The following SYNPR variants were observed in gnomAD, a reference collection of about 807,000 sequenced individuals.
SYNPR encodes the protein synaptoporin.
In SYNPR, 23 loss-of-function variants were observed where a neutral mutation model predicts 32.9. That is an observed-to-expected ratio of 0.70 (90% confidence interval 0.50 to 0.99). The LOEUF is 0.99. SYNPR is among the 50% of genes least tolerant of loss of function. The pLI, the probability that SYNPR is intolerant of heterozygous loss-of-function variation, is 0.00. For missense variants in SYNPR, 318 were observed against 349.3 expected (o/e 0.91, Z 0.71); for synonymous variants, 146 against 135.9 (o/e 1.07, Z -0.52).
the SYNPR span, among the ~76,000 whole-genome samples, chr3:63,221,388 C>T: frequency 7.9e-5 from 12 of 152,144 alleles, no homozygotes; most frequent in African/African-American, 2.9e-4. Flanking sequence ...ATTCATTATA[C>T]ATCAATAATT....
At chr3:63,299,280 T>G (rs2086820035) in intron 2 of SYNPR, among the ~76,000 whole-genome samples, 1 of 152,162 alleles carries the variant, frequency 6.6e-6, no homozygotes. Context: ...GAGAAGAGTT[T>G]TTTTTAGCAT....
intron 4 of SYNPR, among the ~76,000 whole-genome samples, chr3:63,587,843 T>C (rs180676538): frequency 1.3e-5 from 2 of 152,176 alleles, no homozygotes; most frequent in East Asian, 1.9e-4. Flanking sequence ...ACTCCAGGCC[T>C]CAGGGGATCC....
At chr3:63,584,983 A>G (rs6809554) in intron 4 of SYNPR, among the ~76,000 whole-genome samples, 80,512 of 151,934 alleles carry the variant, frequency 0.53, 21,765 homozygotes, top group African/African-American at 0.63. Flanking sequence ...CAAGATGTCC[A>G]GAAGCTTTGT....
At chr3:63,458,371 T>C (rs139916931) in intron 2 of SYNPR, among the ~76,000 whole-genome samples, 55 of 152,254 alleles carry the variant, frequency 3.6e-4, no homozygotes, top group African/African-American at 1.3e-3. Context: ...TGTCTGCTGA[T>C]CTTGACTGGG....
intron 4 of SYNPR, among the ~76,000 whole-genome samples, chr3:63,599,806 G>T (rs1700011903): frequency 6.6e-6 from 1 of 152,126 alleles, no homozygotes; most frequent in African/African-American, 2.4e-5. Flanking sequence ...TCTTCTATCA[G>T]TGAGAAGCTA....
chr3:63,494,663 A>T (rs1575674883), intron 3 of SYNPR, among the ~76,000 whole-genome samples: 1 of 151,866 alleles, frequency 6.6e-6, no homozygotes, highest in Admixed American at 6.6e-5. Flanking sequence ...CATCAGCGCT[A>T]ACAACACCTC....
intron 3 of SYNPR, among the ~76,000 whole-genome samples, chr3:63,555,317 G>A (rs1039951959): frequency 5.6e-5 from 8 of 143,846 alleles, no homozygotes; most frequent in African/African-American, 1.3e-4. Context: ...TATGAGGTTC[G>A]TGAATGGCTT....
chr3:63,575,713 G>A (rs1381740008), intron 4 of SYNPR, among the ~76,000 whole-genome samples: 1 of 152,174 alleles, frequency 6.6e-6, no homozygotes, highest in African/African-American at 2.4e-5. Context: ...TCAGTGGATA[G>A]AAAGAGTTGC....
intron 4 of SYNPR, among the ~76,000 whole-genome samples, chr3:63,585,800 T>C (rs113746438): frequency 6.6e-6 from 1 of 152,226 alleles, no homozygotes; most frequent in African/African-American, 2.4e-5. Flanking sequence ...AGACAAGGTA[T>C]AAATTCTTTA....
chr3:63,581,226 C>T (rs1207368664), intron 4 of SYNPR, among the ~76,000 whole-genome samples: 2 of 152,224 alleles, frequency 1.3e-5, no homozygotes, highest in South Asian at 2.1e-4. Context: ...TGTTCCAAAG[C>T]GATACTTCAT....
chr3:63,389,454 G>T (rs2088103687), intron 2 of SYNPR, among the ~76,000 whole-genome samples: 1 of 152,186 alleles, frequency 6.6e-6, no homozygotes, highest in Non-Finnish European at 1.5e-5. Flanking sequence ...TGAGCAGAAA[G>T]GTGTCTCTCT....
chr3:63,496,448 T>G (rs1033537836), intron 3 of SYNPR, among the ~76,000 whole-genome samples: 21 of 152,128 alleles, frequency 1.4e-4, no homozygotes, highest in Non-Finnish European at 2.2e-4. Flanking sequence ...ACAGTTAGGT[T>G]ATTTTGGTTT....
intron 2 of SYNPR, among the ~76,000 whole-genome samples, chr3:63,367,373 A>ATTT (rs1575612306): frequency 6.6e-6 from 1 of 151,280 alleles, no homozygotes; most frequent in African/African-American, 2.4e-5. Context: ...TTATTTATTT[A>ATTT]ATTTTAGATA....
intron 2 of SYNPR, among the ~76,000 whole-genome samples, chr3:63,470,615 C>T (rs1030194724): frequency 3.2e-4 from 49 of 152,152 alleles, no homozygotes; most frequent in Non-Finnish European, 6.2e-4. Flanking sequence ...GACTTGGAAG[C>T]TTGTTTTATT....
intron 2 of SYNPR, among the ~76,000 whole-genome samples, chr3:63,313,838 TATATATATCC>T (rs2087003434): frequency 2.0e-5 from 1 of 50,642 alleles, no homozygotes; most frequent in African/African-American, 9.4e-5. Context: ...TATATCCATA[TATATATATCC>T]ATATATATAT....
chr3:63,401,676 AAGAC>A (rs2088295148), intron 2 of SYNPR, among the ~76,000 whole-genome samples: 1 of 152,214 alleles, frequency 6.6e-6, no homozygotes, highest in African/African-American at 2.4e-5. Context: ...ACAGAAAAAA[AAGAC>A]AGAGCTATTC....
At chr3:63,576,285 T>C (rs1702978325) in intron 4 of SYNPR, among the ~76,000 whole-genome samples, 1 of 152,168 alleles carries the variant, frequency 6.6e-6, no homozygotes, top group Non-Finnish European at 1.5e-5. Context: ...TCCAATTGGC[T>C]TCCTCTGAGT....
At chr3:63,326,655 A>G (rs886878365) in intron 2 of SYNPR, among the ~76,000 whole-genome samples, 1 of 152,156 alleles carries the variant, frequency 6.6e-6, no homozygotes, top group African/African-American at 2.4e-5. Flanking sequence ...TTGGTCTTCT[A>G]TCTTCTCATA....
At position 63,614,768 on chromosome 3, in the gene SYNPR, AG is replaced by A. The variant is rs1700253077; in HGVS notation, c.601-455del. Among the ~76,000 whole-genome samples, 3 of 152,220 alleles carry A rather than the reference AG, an allele frequency of 2.0e-5. No homozygotes were observed. In the South Asian group the frequency reaches 6.2e-4, roughly 31 times the overall value. Reference sequence around the variant, plus strand: ...TTATAAATGAATGCACCATTATTAAAGTGAAAATTCTCAACCCTGTGCCATC... The same window carrying A: ...TTATAAATGAATGCACCATTATTAAATGAAAATTCTCAACCCTGTGCCATC... On this transcript the variant is annotated intron_variant, in intron 5 of 5. Coordinates refer to ENST00000478300, the MANE Select transcript of SYNPR (RefSeq NM_001130003.2).
Sources: gnomAD v4.1 joint callset for allele counts (sites outside exome capture counted in the v4.1 genomes callset) on GRCh38, gnomAD v4.1.1 for gene constraint, MANE v1.5 for transcripts, NCBI Gene and HGNC (gene_info 2026-07-23, HGNC 2026-07-21) for gene names.